The following SLC43A2 variants were observed in gnomAD, a reference collection of about 807,000 sequenced individuals.
SLC43A2 encodes solute carrier family 43 member 2.
Under a neutral mutation model 63.2 loss-of-function variants are expected in SLC43A2, and 38 were observed. That is an observed-to-expected ratio of 0.60 (90% CI 0.46 to 0.79). The LOEUF is 0.79. Among genes scored for constraint, SLC43A2 ranks in the 30% least tolerant of loss-of-function variants. The pLI is 0.00. For synonymous variants in SLC43A2, 322 were observed against 331.0 expected (o/e 0.97, Z 0.30); for missense variants, 644 against 756.2 (o/e 0.85, Z 1.74).
Position 1,575,166 on chromosome 17 carries a change from G to A in SLC43A2, c.*438C>T, listed in dbSNP as rs2280457. Reference sequence around the variant, plus strand: ...CGGGGAGGGGGTGGGGGCCAGGCGCGGGCGAGACAGTGCAAGCCTTTGTCC... The same window carrying A: ...CGGGGAGGGGGTGGGGGCCAGGCGCAGGCGAGACAGTGCAAGCCTTTGTCC... On this transcript the variant is annotated 3_prime_UTR_variant, in exon 14 of 14. Transcript: ENST00000301335. 0.38 allele frequency: 72,033 copies of A among 187,592 alleles called. 14,143 individuals carry two copies. Among genetic ancestry groups the A allele is most frequent in the Middle Eastern group, 0.44 (193 of 436 alleles). 11.6% of individuals were successfully genotyped at this position (187,592 alleles called of 1,614,324 possible). A position where few individuals can be genotyped will look rare whatever the true frequency, so the allele number is the denominator to read the frequency against.
Position 1,599,555 on chromosome 17 carries a change from G to A in SLC43A2, c.502-6276C>T, listed in dbSNP as rs190562426. Among the ~76,000 whole-genome samples the A allele has an allele frequency of 7.4e-4, 113 of 151,844 alleles. No individual in the cohort carries two copies. The Middle Eastern group carries it at 0.01, about 14-fold the overall frequency. ...TCTCTACCAAAAATAAAGAAAATTA[G>A]CTGGGCGTGGTGGCAGGCACCTGTA... On this transcript the variant is annotated intron_variant, in intron 5 of 13. Coordinates refer to ENST00000301335, the MANE Select transcript of SLC43A2 (RefSeq NM_152346.3).
At chr17:1,627,368 C>A (rs536957597) in intron 2 of SLC43A2, among the ~76,000 whole-genome samples, 103 of 152,260 alleles carry the variant, frequency 6.8e-4, no homozygotes, top group Admixed American at 1.3e-3. Flanking sequence ...ATGTTTACTA[C>A]CAGCCAAGCT....
rs1033090982 is a variant in SLC43A2, at chr17:1,594,519, G to A, written c.502-1240C>T. Among the ~76,000 whole-genome samples the A allele has an allele frequency of 2.0e-5, 3 of 152,104 alleles. No individual in the cohort carries two copies. The South Asian group carries it at 6.2e-4, about 32-fold the overall frequency. ...TCATTAAATTCAGGCTGCTTATGGG[G>A]ACTTAATCTATGTCCCCTCCACCCT... On this transcript the variant is annotated intron_variant, in intron 5 of 13. Transcript: ENST00000301335.
At chr17:1,613,397 C>A in intron 4 of SLC43A2, 126 bp from the exon 5 acceptor site, 2 of 750,028 alleles carry the variant, frequency 2.7e-6, no homozygotes, top group Non-Finnish European at 2.3e-6. Context: ...GGGGTTAGTA[C>A]CTGACATCTG....
chr17:1,591,733 G>GGGGGGT, intron 6 of SLC43A2, 34 bp from the exon 7 acceptor site: 1 of 598,522 alleles, frequency 1.7e-6, no homozygotes, highest in Non-Finnish European at 3.0e-6. Flanking sequence ...GTGGGGGGGG[G>GGGGGGT]AGGGGGCAGA....
intron 2 of SLC43A2, among the ~76,000 whole-genome samples, chr17:1,621,727 G>A (rs1359258758): frequency 1.3e-5 from 2 of 152,250 alleles, no homozygotes; most frequent in African/African-American, 4.8e-5. Flanking sequence ...GGGATGCTCA[G>A]AGCAGGTAAG....
chr17:1,604,901 T>C (rs1254895948), intron 5 of SLC43A2: 7 of 1,534,184 alleles, frequency 4.6e-6, no homozygotes, highest in Non-Finnish European at 6.1e-6. Context: ...CCTCCACCGG[T>C]CTCAGCTGCG....
chr17:1,591,728 G>GA lies in SLC43A2; in HGVS notation c.595-30_595-29insT, dbSNP rs1173102394. On this transcript the variant is annotated intron_variant, in intron 6 of 13. Coordinates refer to ENST00000301335, the MANE Select transcript of SLC43A2 (RefSeq NM_152346.3). The stretch of plus-strand genomic sequence containing the variant: ...ACAGGCACCGCGGGGACGGGGTGGG[G>GA]GGGGGAGGGGGCAGAGTTAGCCCGG... 14 of 922,452 alleles carry GA rather than the reference G, an allele frequency of 1.5e-5. 2 individuals carry two copies. The highest frequency in any genetic ancestry group is 1.3e-4 in the Admixed American group (6 of 45,554). The allele number at this position is 922,452 out of a possible 1,614,324, so 57.1% of individuals were successfully genotyped here.
intron 5 of SLC43A2, among the ~76,000 whole-genome samples, chr17:1,601,171 T>C (rs1905981753): frequency 6.6e-6 from 1 of 152,046 alleles, no homozygotes. Flanking sequence ...AGTTTGCAGA[T>C]TTTTAATTCT....
At chr17:1,619,732 G>A (rs1907982290) in intron 2 of SLC43A2, among the ~76,000 whole-genome samples, 1 of 152,228 alleles carries the variant, frequency 6.6e-6, no homozygotes, top group African/African-American at 2.4e-5. Flanking sequence ...TGAAGTCAGG[G>A]AAAGAGGGTC....
At chr17:1,616,157 G>A (rs943022442) in intron 3 of SLC43A2, among the ~76,000 whole-genome samples, 1 of 151,924 alleles carries the variant, frequency 6.6e-6, no homozygotes, top group African/African-American at 2.4e-5. Context: ...AAGGTCAAAC[G>A]GGCTGTGGAA....
intron 9 of SLC43A2, among the ~76,000 whole-genome samples, chr17:1,587,731 A>G (rs1286789275): frequency 1.3e-5 from 2 of 151,840 alleles, no homozygotes; most frequent in African/African-American, 4.8e-5. Context: ...TGATGACGTA[A>G]ACAGATGATA....
At chr17:1,601,818 C>T (rs1906056595) in intron 5 of SLC43A2, among the ~76,000 whole-genome samples, 1 of 148,696 alleles carries the variant, frequency 6.7e-6, no homozygotes, top group Non-Finnish European at 1.5e-5. Flanking sequence ...AAGGTCCAAA[C>T]CGATGCAAAG....
Position 1,578,240 on chromosome 17 carries a change from C to T in SLC43A2, c.1424+10G>A. The T allele has an allele frequency of 6.2e-7, 1 of 1,611,882 alleles. No homozygotes were observed. Among genetic ancestry groups the T allele is most frequent in the Non-Finnish European group, 8.5e-7 (1 of 1,178,292 alleles). On this transcript the variant is annotated intron_variant, in intron 12 of 13. Transcript: ENST00000301335. This position sits in a 1 kb window ranked among gnomAD's most constrained non-coding sequence, Gnocchi z 6.5. ...CGCCCACCAGGCCACCTGCGGCTTCCAGGACTTACACGGCAGCGTACAGGC... is the reference window on the plus strand; with the variant it reads ...CGCCCACCAGGCCACCTGCGGCTTCTAGGACTTACACGGCAGCGTACAGGC...
intron 5 of SLC43A2, among the ~76,000 whole-genome samples, chr17:1,612,380 A>G (rs1907199814): frequency 6.6e-6 from 1 of 152,174 alleles, no homozygotes; most frequent in Admixed American, 6.5e-5. Flanking sequence ...GTACCCCGAG[A>G]AAACATCTCC....
chr17:1,583,555 G>A lies in SLC43A2; in HGVS notation c.1218-219C>T, dbSNP rs536242576. 10 of 678,406 alleles carry A rather than the reference G, an allele frequency of 1.5e-5. No homozygotes were observed. The highest frequency in any genetic ancestry group is 4.4e-4 in the Middle Eastern group (1 of 2,274). The allele number at this position is 678,406 out of a possible 1,614,324, so 42.0% of individuals were successfully genotyped here. On this transcript the variant is annotated intron_variant, in intron 10 of 13. Coordinates refer to ENST00000301335, the MANE Select transcript of SLC43A2 (RefSeq NM_152346.3). The surrounding 1 kb of genome is among the most constrained non-coding windows in gnomAD (Gnocchi z 5.5). The stretch of plus-strand genomic sequence containing the variant: ...GAGTGTGACTCTCGGAGGGGGTCTC[G>A]GGTACAAGAAGATGGCCATCCATAT...
At chr17:1,594,802 A>G (rs983294091) in intron 5 of SLC43A2, among the ~76,000 whole-genome samples, 3 of 151,406 alleles carry the variant, frequency 2.0e-5, no homozygotes, top group Admixed American at 6.6e-5. Flanking sequence ...GTTAGCCAGG[A>G]TGGTCTGGAT....
chr17:1,583,548 G>A lies in SLC43A2; in HGVS notation c.1218-212C>T. On this transcript the variant is annotated intron_variant, in intron 10 of 13. Coordinates refer to ENST00000301335, the MANE Select transcript of SLC43A2 (RefSeq NM_152346.3). The surrounding 1 kb of genome is among the most constrained non-coding windows in gnomAD (Gnocchi z 5.5). ...GCAAGCTGAGTGTGACTCTCGGAGG[G>A]GGTCTCGGGTACAAGAAGATGGCCA... The A allele has an allele frequency of 1.4e-6, 1 of 712,868 alleles. No homozygotes were observed. The highest frequency in any genetic ancestry group is 1.8e-5 in the African/African-American group (1 of 56,138). The allele number at this position is 712,868 out of a possible 1,614,324, so 44.2% of individuals were successfully genotyped here. A position where few individuals can be genotyped will look rare whatever the true frequency, so the allele number is the denominator to read the frequency against.
Position 1,602,816 on chromosome 17 carries a change from T to G in SLC43A2, c.502-9537A>C, listed in dbSNP as rs191416625. 8.4e-3 allele frequency among the ~76,000 whole-genome samples: 1,234 copies of G among 146,802 alleles called. 22 individuals carry two copies. The highest frequency in any genetic ancestry group is 0.029 in the African/African-American group (1,152 of 39,712). ...TCTTATTGCCCAGGCTGGAGTGCAA[T>G]GGTGCAATCTCGGCTCACCGCAACC... On this transcript the variant is annotated intron_variant, in intron 5 of 13. Transcript: ENST00000301335.
Sources: allele counts gnomAD v4.1 joint callset (sites outside exome capture counted in the v4.1 genomes callset), GRCh38; gene constraint gnomAD v4.1.1; non-coding constraint Gnocchi (gnomAD v3.1); transcripts MANE v1.5; gene names NCBI Gene and HGNC (gene_info 2026-07-23, HGNC 2026-07-21).